Variants in ST6GALNAC3 observed in about 807,000 individuals in gnomAD.
The protein encoded by ST6GALNAC3 is alpha-N-acetylgalactosaminide alpha-2,6-sialyltransferase 3.
A neutral mutation model predicts 32.7 loss-of-function variants in ST6GALNAC3; 25 were observed. The observed-to-expected ratio is 0.76, with a 90% CI of 0.56 to 1.07. ST6GALNAC3 has a LOEUF of 1.07. Among genes scored for constraint, ST6GALNAC3 ranks in the 50% least tolerant of loss-of-function variants. The probability of loss-of-function intolerance (pLI) is 0.00; values close to 1 mark genes in which losing one functional copy is unlikely to be tolerated. For missense variants in ST6GALNAC3, 355 were observed against 382.4 expected, an observed-to-expected ratio of 0.93 and a Z score of 0.60; for synonymous variants, 129 against 133.1, an observed-to-expected ratio of 0.97 and a Z score of 0.21.
At chr1:76,429,949 C>T (rs2101436218) in intron 3 of ST6GALNAC3, among the ~76,000 whole-genome samples, 1 of 152,280 alleles carries the variant, frequency 6.6e-6, no homozygotes. Flanking sequence ...TCATTCACTT[C>T]CATAAGTCAA....
chr1:76,548,867 G>T lies in ST6GALNAC3; in HGVS notation c.624-78585G>T, dbSNP rs116734088. On this transcript the variant is annotated intron_variant, in intron 3 of 4. Coordinates refer to ENST00000328299, the MANE Select transcript of ST6GALNAC3 (RefSeq NM_152996.4). ...TGTAGTTGTACATTTTAATCCCACT[G>T]GGATAGATATCTTCCATAGCTGGCT... is the stretch of plus-strand genomic sequence containing the variant. 5.9e-3 allele frequency among the ~76,000 whole-genome samples: 903 copies of T among 152,200 alleles called. 1 individual carries two copies. Among genetic ancestry groups the T allele is most frequent in the Non-Finnish European group, 9.5e-3 (643 of 68,018 alleles).
chr1:76,421,716 TAAAGA>T (rs918791245), intron 3 of ST6GALNAC3, among the ~76,000 whole-genome samples: 2 of 151,896 alleles, frequency 1.3e-5, no homozygotes, highest in African/African-American at 2.4e-5. Context: ...ATGATGAACA[TAAAGA>T]AAAGAAAAAA....
intron 3 of ST6GALNAC3, among the ~76,000 whole-genome samples, chr1:76,425,082 A>G (rs1043734427): frequency 3.4e-4 from 51 of 152,142 alleles, no homozygotes; most frequent in African/African-American, 1.2e-3. Context: ...TTGTCAAGTC[A>G]TGTAAATTAT....
chr1:76,620,798 C>T (rs142321878), intron 3 of ST6GALNAC3, among the ~76,000 whole-genome samples: 274 of 152,086 alleles, frequency 1.8e-3, no homozygotes, highest in African/African-American at 6.3e-3. Flanking sequence ...AGCATCCACC[C>T]ATATTGAGTG....
At chr1:76,107,353 A>G (rs1354800789) in intron 1 of ST6GALNAC3, among the ~76,000 whole-genome samples, 1 of 118,300 alleles carries the variant, frequency 8.5e-6, no homozygotes, top group South Asian at 2.5e-4. Context: ...TCCTCTTTTT[A>G]TCCTCATTTC....
intron 3 of ST6GALNAC3, among the ~76,000 whole-genome samples, chr1:76,474,764 C>T (rs776798752): frequency 3.0e-4 from 46 of 151,860 alleles, no homozygotes; most frequent in South Asian, 1.2e-3. Flanking sequence ...CAAGAGAAGG[C>T]GGAAGAGAGA....
chr1:76,537,638 C>CA (rs1283106760), intron 3 of ST6GALNAC3, among the ~76,000 whole-genome samples: 1 of 152,008 alleles, frequency 6.6e-6, no homozygotes, highest in Non-Finnish European at 1.5e-5. Context: ...CATCATTTTA[C>CA]ATTTCCATAT....
intron 2 of ST6GALNAC3, among the ~76,000 whole-genome samples, chr1:76,382,106 AT>A (rs1651755548): frequency 6.6e-6 from 1 of 152,162 alleles, no homozygotes; most frequent in Non-Finnish European, 1.5e-5. Flanking sequence ...AACATAGACC[AT>A]TCTCTAGTGG....
intron 3 of ST6GALNAC3, among the ~76,000 whole-genome samples, chr1:76,617,470 G>A (rs536901482): frequency 1.3e-5 from 2 of 152,278 alleles, no homozygotes; most frequent in African/African-American, 4.8e-5. Flanking sequence ...CAGGGAAACA[G>A]GCACCTATGC....
intron 1 of ST6GALNAC3, among the ~76,000 whole-genome samples, chr1:76,225,884 C>T (rs1656038138): frequency 6.6e-6 from 1 of 152,152 alleles, no homozygotes; most frequent in African/African-American, 2.4e-5. Context: ...TTATTACTTA[C>T]TAGCCTCATT....
intron 3 of ST6GALNAC3, among the ~76,000 whole-genome samples, chr1:76,462,809 A>G (rs1034388299): frequency 6.6e-6 from 1 of 152,230 alleles, no homozygotes; most frequent in African/African-American, 2.4e-5. Context: ...TAAGAAGGCC[A>G]AATGCTGCAG....
intron 3 of ST6GALNAC3, among the ~76,000 whole-genome samples, chr1:76,557,209 CTCTTAAGTTTAT>C (rs554617635): frequency 1.3e-5 from 2 of 152,106 alleles, no homozygotes; most frequent in South Asian, 4.2e-4. Context: ...TATTTTGGGA[CTCTTAAGTTTAT>C]TCCATTGATC....
chr1:76,447,591 G>T (rs530950932), intron 3 of ST6GALNAC3, among the ~76,000 whole-genome samples: 1 of 152,224 alleles, frequency 6.6e-6, no homozygotes, highest in South Asian at 2.1e-4. Flanking sequence ...ACCCTAGGAG[G>T]AGGAGATGGT....
At chr1:76,487,483 C>T (rs1660197903) in intron 3 of ST6GALNAC3, among the ~76,000 whole-genome samples, 1 of 152,236 alleles carries the variant, frequency 6.6e-6, no homozygotes, top group African/African-American at 2.4e-5. Flanking sequence ...ATTTGATCTT[C>T]AATCACTGTT....
At chr1:76,240,255 T>A (rs1656890034) in intron 1 of ST6GALNAC3, among the ~76,000 whole-genome samples, 1 of 152,244 alleles carries the variant, frequency 6.6e-6, no homozygotes, top group South Asian at 2.1e-4. Flanking sequence ...TGTAGTATGA[T>A]GTTTTACGTA....
chr1:76,478,760 C>CTTTTTTTTTTTTTTTTTTTT (rs397861238), intron 3 of ST6GALNAC3, among the ~76,000 whole-genome samples: 4 of 109,088 alleles, frequency 3.7e-5, no homozygotes, highest in Non-Finnish European at 5.4e-5. Flanking sequence ...TTTATTAATT[C>CTTTTTTTTTTTTTTTTTTTT]TTTTTTTTTT....
chr1:76,529,169 T>G (rs1424159450), intron 3 of ST6GALNAC3, among the ~76,000 whole-genome samples: 1 of 152,148 alleles, frequency 6.6e-6, no homozygotes, highest in Non-Finnish European at 1.5e-5. Context: ...ATTCATGTGT[T>G]GAAGACAAAC....
chr1:76,140,797 A>ATTT (rs3042284), intron 1 of ST6GALNAC3, among the ~76,000 whole-genome samples: 1 of 120,414 alleles, frequency 8.3e-6, no homozygotes, highest in Non-Finnish European at 1.7e-5. Context: ...TAATTTTCTA[A>ATTT]TTTTTTTTTT....
At chr1:76,582,167 T>G (rs760436829) in intron 3 of ST6GALNAC3, among the ~76,000 whole-genome samples, 4 of 152,174 alleles carry the variant, frequency 2.6e-5, no homozygotes, top group Non-Finnish European at 5.9e-5. Context: ...GACTCTGACG[T>G]GCAGATGAAT....
Sources: allele counts gnomAD v4.1 joint callset (sites outside exome capture counted in the v4.1 genomes callset), GRCh38; gene constraint gnomAD v4.1.1; transcripts MANE v1.5; gene names NCBI Gene and HGNC (gene_info 2026-07-23, HGNC 2026-07-21).